The following NDST3 variants were observed in gnomAD, a reference collection of about 807,000 sequenced individuals.
NDST3 encodes N-deacetylase and N-sulfotransferase 3, also known as bifunctional heparan sulfate N-deacetylase/N-sulfotransferase 3.
A neutral mutation model predicts 96.1 loss-of-function variants in NDST3; 58 were observed. The observed-to-expected ratio is 0.60, with a 90% CI of 0.49 to 0.75. NDST3 has a LOEUF of 0.75. Among genes scored for constraint, NDST3 ranks in the 30% least tolerant of loss-of-function variants. NDST3 has a pLI of 0.00. For synonymous variants in NDST3, 333 were observed against 359.7 expected (o/e 0.93, Z 0.84); for missense variants, 788 against 1,034.2 (o/e 0.76, Z 3.27).
chr4:118,059,102 G>C, intron 2 of NDST3, among the ~76,000 whole-genome samples: 1 of 151,974 alleles, frequency 6.6e-6, no homozygotes, highest in East Asian at 1.9e-4. Context: ...TTTGATTTCT[G>C]TAATAGGTAC....
At chr4:118,109,009 A>G (rs1730430644) in intron 3 of NDST3, among the ~76,000 whole-genome samples, 1 of 152,224 alleles carries the variant, frequency 6.6e-6, no homozygotes, top group Non-Finnish European at 1.5e-5. Context: ...TGCTTACAGG[A>G]AAGTTCTTCT....
chr4:118,225,261 C>T (rs962359808), intron 7 of NDST3, among the ~76,000 whole-genome samples: 7 of 152,076 alleles, frequency 4.6e-5, no homozygotes, highest in African/African-American at 7.2e-5. Context: ...CTGGGGGTAA[C>T]CTAGATTTCA....
intron 6 of NDST3, among the ~76,000 whole-genome samples, chr4:118,211,804 C>T (rs1738818629): frequency 1.3e-5 from 2 of 152,034 alleles, no homozygotes; most frequent in South Asian, 4.2e-4. Context: ...ATCTGTGTAA[C>T]TAGGCTCTCA....
intron 2 of NDST3, among the ~76,000 whole-genome samples, chr4:118,081,222 A>G (rs2125817620): frequency 6.6e-6 from 1 of 152,356 alleles, no homozygotes; most frequent in Non-Finnish European, 1.5e-5. Flanking sequence ...CTAAAGTTCG[A>G]GAACCCATAT....
At chr4:118,187,500 G>C (rs546049883) in intron 6 of NDST3, among the ~76,000 whole-genome samples, 10 of 152,222 alleles carry the variant, frequency 6.6e-5, no homozygotes, top group African/African-American at 2.4e-4. Flanking sequence ...GACTATGAAG[G>C]AACAAGGCTA....
intron 6 of NDST3, among the ~76,000 whole-genome samples, chr4:118,216,300 G>A (rs929528664): frequency 7.2e-5 from 11 of 152,064 alleles, no homozygotes; most frequent in African/African-American, 2.4e-4. Flanking sequence ...TTGGAAGGCT[G>A]TCCTGATAAG....
At chr4:118,046,349 A>G (rs1724760329) in intron 1 of NDST3, among the ~76,000 whole-genome samples, 1 of 152,218 alleles carries the variant, frequency 6.6e-6, no homozygotes, top group Non-Finnish European at 1.5e-5. Context: ...GCCTTTGTAC[A>G]TGGTGCAGCT....
At chr4:118,234,488 A>G (rs887341207) in intron 9 of NDST3, among the ~76,000 whole-genome samples, 8 of 152,142 alleles carry the variant, frequency 5.3e-5, no homozygotes, top group Admixed American at 2.0e-4. Flanking sequence ...ATGCCAGTAT[A>G]TAATTATAGA....
chr4:118,162,550 T>G (rs1334235768), intron 6 of NDST3, among the ~76,000 whole-genome samples: 5 of 151,656 alleles, frequency 3.3e-5, no homozygotes, highest in Admixed American at 1.3e-4. Flanking sequence ...TAGCCATATG[T>G]AGAAAGCTGA....
chr4:118,220,267 T>C (rs1206316265), intron 6 of NDST3, among the ~76,000 whole-genome samples: 1 of 152,052 alleles, frequency 6.6e-6, no homozygotes, highest in Non-Finnish European at 1.5e-5. Flanking sequence ...CATGGGATAC[T>C]ATACAGCCAT....
intron 3 of NDST3, among the ~76,000 whole-genome samples, chr4:118,110,712 T>C (rs566947142): frequency 6.6e-6 from 1 of 152,276 alleles, no homozygotes; most frequent in East Asian, 1.9e-4. Context: ...TTGTGATAAG[T>C]TAAGAAATGG....
chr4:118,141,668 A>C (rs533226458), intron 5 of NDST3, among the ~76,000 whole-genome samples: 18 of 152,334 alleles, frequency 1.2e-4, no homozygotes, highest in African/African-American at 4.3e-4. Flanking sequence ...ATTCAAACTG[A>C]ACCCTAGAAG....
At chr4:118,243,829 C>T (rs1741147255) in intron 12 of NDST3, among the ~76,000 whole-genome samples, 1 of 152,128 alleles carries the variant, frequency 6.6e-6, no homozygotes, top group Non-Finnish European at 1.5e-5. Context: ...CCTCTGCAGC[C>T]AGCTCAGCAG....
At chr4:118,097,067 A>G (rs146183033) in intron 2 of NDST3, among the ~76,000 whole-genome samples, 1 of 151,910 alleles carries the variant, frequency 6.6e-6, no homozygotes, top group Non-Finnish European at 1.5e-5. Context: ...AGAGAAGGCA[A>G]TCTGCTTTAC....
chr4:118,255,502 G>T, intron 13 of NDST3, 91 bp from the exon 14 acceptor site: 1 of 1,283,718 alleles, frequency 7.8e-7, no homozygotes, highest in Non-Finnish European at 1.1e-6. Context: ...ATCCAGATCT[G>T]GTATACTTGG....
chr4:118,218,766 A>C (rs962958465), intron 6 of NDST3, among the ~76,000 whole-genome samples: 2 of 152,148 alleles, frequency 1.3e-5, no homozygotes, highest in African/African-American at 4.8e-5. Flanking sequence ...CTGTTTGTAG[A>C]TGGCATGATT....
At chr4:118,225,242 C>G (rs982610711) in intron 7 of NDST3, among the ~76,000 whole-genome samples, 6 of 152,130 alleles carry the variant, frequency 3.9e-5, no homozygotes, top group Non-Finnish European at 1.5e-5. Flanking sequence ...ACAGCATATT[C>G]AGATGACTCT....
At chr4:118,137,347 G>GC (rs142666881) in intron 4 of NDST3, among the ~76,000 whole-genome samples, 2,258 of 151,282 alleles carry the variant, frequency 0.015, 50 homozygotes, top group African/African-American at 0.052. Context: ...TTTCCTCTAT[G>GC]CCTTTTTTTT....
chr4:118,114,986 A>C (rs1560653493), intron 4 of NDST3, 26 bp downstream of exon 4: 6 of 1,610,966 alleles, frequency 3.7e-6, no homozygotes, highest in Non-Finnish European at 4.2e-6. Context: ...TGTTGCATTG[A>C]AGTAGTGTAC....
Sources: gnomAD v4.1 joint callset for allele counts (sites outside exome capture counted in the v4.1 genomes callset) on GRCh38, gnomAD v4.1.1 for gene constraint, MANE v1.5 for transcripts, NCBI Gene and HGNC (gene_info 2026-07-23, HGNC 2026-07-21) for gene names.